The following CTNNA2 variants were observed in gnomAD, a reference collection of about 807,000 sequenced individuals.
CTNNA2 encodes catenin alpha 2.
CTNNA2 carries 42 observed loss-of-function variants against 101.0 expected under a neutral mutation model. The observed-to-expected ratio is 0.42, with a 90% CI of 0.32 to 0.54. CTNNA2 has a LOEUF of 0.54. CTNNA2 is among the 20% of genes least tolerant of loss of function. The pLI is 0.14. For missense variants in CTNNA2, 871 were observed against 1,223.1 expected, an observed-to-expected ratio of 0.71 and a Z score of 4.29; for synonymous variants, 450 against 456.4, an observed-to-expected ratio of 0.99 and a Z score of 0.18.
At chr2:79,895,176 T>C (rs1436834467) in intron 6 of CTNNA2, among the ~76,000 whole-genome samples, 1 of 152,194 alleles carries the variant, frequency 6.6e-6, no homozygotes, top group Non-Finnish European at 1.5e-5. Context: ...AACATGACAT[T>C]CTCATTAAGC....
intron 7 of CTNNA2, among the ~76,000 whole-genome samples, chr2:79,964,928 T>G (rs1689927986): frequency 6.6e-6 from 1 of 152,204 alleles, no homozygotes; most frequent in African/African-American, 2.4e-5. Context: ...TATGTGTAGG[T>G]GGGATGCCAA....
chr2:80,455,140 G>A (rs1436742382), intron 9 of CTNNA2, among the ~76,000 whole-genome samples: 1 of 152,244 alleles, frequency 6.6e-6, no homozygotes, highest in African/African-American at 2.4e-5. Context: ...CAAATGGTTA[G>A]GTTGGGGTAA....
At chr2:80,146,710 GTTTTTTTTTTTTTTTTTTTT>G (rs34019123) in intron 7 of CTNNA2, among the ~76,000 whole-genome samples, 2 of 61,764 alleles carry the variant, frequency 3.2e-5, no homozygotes, top group South Asian at 6.9e-4. Flanking sequence ...GTCCCCTCTG[GTTTTTTTTTTTTTTTTTTTT>G]TTTTTTTTTT....
intron 1 of CTNNA2, among the ~76,000 whole-genome samples, chr2:79,593,862 A>G (rs1482121208): frequency 6.7e-6 from 1 of 148,508 alleles, no homozygotes; most frequent in Non-Finnish European, 1.5e-5. Context: ...TCTGAGCCCC[A>G]GTGCTGCCTT....
intron 2 of CTNNA2, among the ~76,000 whole-genome samples, chr2:79,287,469 A>T (rs906557613): frequency 2.6e-5 from 4 of 151,888 alleles, no homozygotes; most frequent in East Asian, 1.9e-4. Flanking sequence ...GTTTTCCTTC[A>T]AACAGACAGG....
At chr2:79,730,519 T>G (rs1222969901) in intron 2 of CTNNA2, among the ~76,000 whole-genome samples, 1 of 152,002 alleles carries the variant, frequency 6.6e-6, no homozygotes, top group Non-Finnish European at 1.5e-5. Flanking sequence ...TCAAGTATAA[T>G]TTTCTTCATA....
At chr2:79,486,343 T>A (rs4571073) in intron 4 of CTNNA2, among the ~76,000 whole-genome samples, 8 of 151,234 alleles carry the variant, frequency 5.3e-5, no homozygotes, top group Non-Finnish European at 7.4e-5. Context: ...TTTGTCCTTG[T>A]GATAGTTTGC....
intron 2 of CTNNA2, among the ~76,000 whole-genome samples, chr2:79,221,346 C>G (rs1342396877): frequency 1.3e-5 from 2 of 152,058 alleles, no homozygotes; most frequent in African/African-American, 2.4e-5. Context: ...AGAGATGGAG[C>G]CTTGCTATGT....
chr2:79,824,196 G>A (rs1400575084), intron 3 of CTNNA2, among the ~76,000 whole-genome samples: 2 of 152,116 alleles, frequency 1.3e-5, no homozygotes, highest in Non-Finnish European at 2.9e-5. Flanking sequence ...AGTTTTGATG[G>A]TGATAAAAGT....
At chr2:80,508,112 C>T (rs892035439) in intron 9 of CTNNA2, among the ~76,000 whole-genome samples, 1 of 152,120 alleles carries the variant, frequency 6.6e-6, no homozygotes, top group Non-Finnish European at 1.5e-5. Context: ...TAAGTTAACT[C>T]CCAACTTTTA....
chr2:80,271,210 G>A (rs1158167322), intron 7 of CTNNA2, among the ~76,000 whole-genome samples: 1 of 152,252 alleles, frequency 6.6e-6, no homozygotes, highest in African/African-American at 2.4e-5. Flanking sequence ...CCCCCCTTGG[G>A]TCATATAAGA....
chr2:79,909,460 A>G (rs1391920453), intron 6 of CTNNA2, 134 bp from the exon 7 acceptor site: 9 of 629,822 alleles, frequency 1.4e-5, no homozygotes, highest in African/African-American at 7.4e-5. Flanking sequence ...AGGCAACTTT[A>G]GAATTTGAGT....
rs1674357572 is a variant in CTNNA2, at chr2:80,648,550, G to C, written c.*678G>C. The C allele has an allele frequency of 6.6e-6, 1 of 152,336 alleles. No homozygotes were observed. The allele number at this position is 152,336 out of a possible 1,614,324, so 9.4% of individuals were successfully genotyped here. On this transcript the variant is annotated 3_prime_UTR_variant, in exon 19 of 19. Transcript: ENST00000402739. Reference sequence around the variant, plus strand: ...TATTTGAGACAATTAAAATCCTTCTGGGGGCACTGGAAGCACAATACGGTG... The same window carrying C: ...TATTTGAGACAATTAAAATCCTTCTCGGGGCACTGGAAGCACAATACGGTG...
intron 8 of CTNNA2, among the ~76,000 whole-genome samples, chr2:80,393,903 C>G (rs565785731): frequency 1.3e-5 from 2 of 152,280 alleles, no homozygotes; most frequent in East Asian, 3.9e-4. Flanking sequence ...TGTATGAACG[C>G]TGGTAAATGT....
At chr2:80,573,749 A>G (rs1694803138) in intron 12 of CTNNA2, among the ~76,000 whole-genome samples, 2 of 152,186 alleles carry the variant, frequency 1.3e-5, no homozygotes, top group South Asian at 4.1e-4. Context: ...CTGAATCACG[A>G]AGTAGAATTT....
intron 2 of CTNNA2, among the ~76,000 whole-genome samples, chr2:79,679,880 A>G (rs1222425303): frequency 1.3e-5 from 2 of 152,082 alleles, no homozygotes; most frequent in African/African-American, 2.4e-5. Flanking sequence ...ACACAGAGAC[A>G]GTCTCCATGG....
At chr2:79,257,407 A>G (rs1303448405) in intron 2 of CTNNA2, among the ~76,000 whole-genome samples, 1 of 152,112 alleles carries the variant, frequency 6.6e-6, no homozygotes, top group Non-Finnish European at 1.5e-5. Context: ...GGACACACAA[A>G]TAATACTTTA....
At chr2:80,177,561 G>T (rs888680264) in intron 7 of CTNNA2, among the ~76,000 whole-genome samples, 1 of 152,148 alleles carries the variant, frequency 6.6e-6, no homozygotes, top group Non-Finnish European at 1.5e-5. Flanking sequence ...TGTTACCATG[G>T]CCACTTTTTT....
chr2:79,421,679 C>A (rs1243297852), intron 4 of CTNNA2, among the ~76,000 whole-genome samples: 1 of 151,986 alleles, frequency 6.6e-6, no homozygotes, highest in African/African-American at 2.4e-5. Flanking sequence ...TATTGTCAAG[C>A]TCAGAAATGG....
Sources: gnomAD v4.1 joint callset for allele counts (sites outside exome capture counted in the v4.1 genomes callset) on GRCh38, gnomAD v4.1.1 for gene constraint, MANE v1.5 for transcripts, NCBI Gene and HGNC (gene_info 2026-07-23, HGNC 2026-07-21) for gene names.